Variants in CSMD1 observed in about 807,000 individuals in gnomAD.
The protein encoded by CSMD1 is CUB and Sushi multiple domains 1.
Under a neutral mutation model 417.5 loss-of-function variants are expected in CSMD1, and 213 were observed. The observed-to-expected ratio is 0.51, with a 90% CI of 0.46 to 0.57. The LOEUF is 0.57. Ranked by LOEUF, CSMD1 falls within the 20% of genes least tolerant of loss-of-function variation. The pLI, the probability that CSMD1 is intolerant of heterozygous loss-of-function variation, is 0.00. For missense variants in CSMD1, 6,923 were observed against 4,529.7 expected (o/e 1.53, Z -15.17); for synonymous variants, 2,862 against 1,736.8 (o/e 1.65, Z -16.11).
chr8:3,163,394 G>C (rs1454064959), intron 37 of CSMD1, among the ~76,000 whole-genome samples: 1 of 151,478 alleles, frequency 6.6e-6, no homozygotes, highest in Non-Finnish European at 1.5e-5. Context: ...GAGGTGAGTA[G>C]GACTTTAGTT....
chr8:4,192,942 G>C (rs1799114894), intron 3 of CSMD1, among the ~76,000 whole-genome samples: 1 of 152,014 alleles, frequency 6.6e-6, no homozygotes, highest in South Asian at 2.1e-4. Context: ...TTCTGTACGT[G>C]GTGCTACCCT....
At chr8:3,565,869 A>G (rs1799683233) in intron 10 of CSMD1, among the ~76,000 whole-genome samples, 1 of 151,956 alleles carries the variant, frequency 6.6e-6, no homozygotes, top group Admixed American at 6.6e-5. Context: ...TTAGGTTCAT[A>G]TCATCTTTCA....
intron 10 of CSMD1, among the ~76,000 whole-genome samples, chr8:3,524,350 G>A (rs534203518): frequency 6.8e-6 from 1 of 147,002 alleles, no homozygotes; most frequent in East Asian, 2.1e-4. Flanking sequence ...TGCACACCCA[G>A]AAAGACAGGC....
At chr8:3,573,041 G>C (rs907443841) in intron 10 of CSMD1, among the ~76,000 whole-genome samples, 3 of 149,462 alleles carry the variant, frequency 2.0e-5, no homozygotes, top group African/African-American at 4.9e-5. Context: ...ACTCTTTTTT[G>C]TTAGACAAAT....
rs535507039 is a variant in CSMD1 at position 3,563,982 on chromosome 8, C to G, written c.1344+10963G>C. Reference sequence around the variant, plus strand: ...TTCTTTTGGGTACATTCTGAGTATACGATCATTAAAGTTCTGTCTTTTTAA... The same window carrying G: ...TTCTTTTGGGTACATTCTGAGTATAGGATCATTAAAGTTCTGTCTTTTTAA... On this transcript the variant is annotated intron_variant, in intron 10 of 69. Transcript: ENST00000635120. Among the ~76,000 whole-genome samples, 280 of 152,192 alleles carry G rather than the reference C, an allele frequency of 1.8e-3. 6 individuals are homozygous for G. The highest frequency in any genetic ancestry group is 5.4e-4 in the Non-Finnish European group (37 of 68,000).
At chr8:3,940,497 CTGTGTGTGTGTGTGTGTGTGTGTG>C (rs34005059) in intron 5 of CSMD1, among the ~76,000 whole-genome samples, 3 of 145,052 alleles carry the variant, frequency 2.1e-5, no homozygotes, top group African/African-American at 5.1e-5. Context: ...ATTATTTCCT[CTGTGTGTGTGTGTGTGTGTGTGTG>C]TGTGTGTGTG....
intron 68 of CSMD1, among the ~76,000 whole-genome samples, chr8:2,948,481 A>T (rs1419975933): frequency 1.3e-5 from 2 of 152,160 alleles, no homozygotes; most frequent in African/African-American, 4.8e-5. Context: ...GTCTATGTAG[A>T]ATAAGCTTTT....
intron 8 of CSMD1, among the ~76,000 whole-genome samples, chr8:3,595,754 G>C (rs574902333): frequency 2.0e-5 from 3 of 152,298 alleles, no homozygotes; most frequent in Non-Finnish European, 4.4e-5. Context: ...ATGTAAACCT[G>C]CCATTTGCTA....
At chr8:4,126,421 C>A (rs1414692176) in intron 3 of CSMD1, among the ~76,000 whole-genome samples, 1 of 152,136 alleles carries the variant, frequency 6.6e-6, no homozygotes, top group Non-Finnish European at 1.5e-5. Flanking sequence ...CAGGACAGCA[C>A]CCTAGCGAAG....
intron 4 of CSMD1, among the ~76,000 whole-genome samples, chr8:4,004,922 T>C (rs1475969738): frequency 6.6e-6 from 1 of 152,154 alleles, no homozygotes; most frequent in Non-Finnish European, 1.5e-5. Context: ...TTTTTTGTAT[T>C]TTTAGTAGAG....
chr8:3,409,848 C>T (rs902572329), intron 12 of CSMD1, among the ~76,000 whole-genome samples: 1 of 152,196 alleles, frequency 6.6e-6, no homozygotes, highest in African/African-American at 2.4e-5. Flanking sequence ...CGTGGCTACA[C>T]AGATACGCTG....
Position 3,284,130 on chromosome 8 carries a change from G to A in CSMD1, c.4153+14C>T, listed in dbSNP as rs1383335004. The A allele has an allele frequency of 6.5e-7, 1 of 1,547,858 alleles. No homozygotes were observed. The highest frequency in any genetic ancestry group is 2.0e-5 in the Admixed American group (1 of 51,096). On this transcript the variant is annotated intron_variant, in intron 26 of 69. Coordinates refer to ENST00000635120, the MANE Select transcript of CSMD1 (RefSeq NM_033225.6). ...TGATATCAAGGTAAAGAAGAAGCAC[G>A]CTGTGCCACCTACTGGAGAACTGGA... is the stretch of plus-strand genomic sequence containing the variant.
At position 4,825,607 on chromosome 8, in the gene CSMD1, AG is replaced by A. The variant is rs1243755873; in HGVS notation, c.85+168724del. Among the ~76,000 whole-genome samples the A allele has an allele frequency of 4.4e-5, 6 of 136,916 alleles. No homozygotes were observed. The East Asian group carries it at 1.2e-3, about 28-fold the overall frequency. The allele number at this position is 136,916 out of a possible 152,430, so 89.8% of individuals were successfully genotyped here. On this transcript the variant is annotated intron_variant, in intron 1 of 69. Coordinates refer to ENST00000635120, the MANE Select transcript of CSMD1 (RefSeq NM_033225.6). ...GGGATCAAAAAGCACAGAAAAGAAAAGAAAAAGAGACATGTGAGACTCCCTC... is the reference window on the plus strand; with the variant it reads ...GGGATCAAAAAGCACAGAAAAGAAAAAAAAAGAGACATGTGAGACTCCCTC...
At chr8:4,536,840 T>G (rs1296122479) in intron 2 of CSMD1, among the ~76,000 whole-genome samples, 1 of 152,210 alleles carries the variant, frequency 6.6e-6, no homozygotes, top group Non-Finnish European at 1.5e-5. Context: ...TCACAAGGGG[T>G]GTCACCTTTT....
At position 4,660,747 on chromosome 8, in the gene CSMD1, T is replaced by C. The variant is rs376983547; in HGVS notation, c.86-23189A>G. On this transcript the variant is annotated intron_variant, in intron 1 of 69. Transcript: ENST00000635120. ...ATATTTGACAAAGGACTAACATCTCTAATCTATAAAGAACTCTCAAAACTC... is the reference window on the plus strand; with the variant it reads ...ATATTTGACAAAGGACTAACATCTCCAATCTATAAAGAACTCTCAAAACTC... Among the ~76,000 whole-genome samples the C allele has an allele frequency of 3.3e-5, 5 of 152,100 alleles. No homozygotes were observed. The East Asian group carries it at 5.8e-4, about 18-fold the overall frequency.
intron 5 of CSMD1, among the ~76,000 whole-genome samples, chr8:3,969,836 A>G (rs1812958327): frequency 6.6e-6 from 1 of 152,212 alleles, no homozygotes; most frequent in Admixed American, 6.5e-5. Context: ...TAAATGAAGT[A>G]TCCATCTATA....
chr8:3,330,860 T>A (rs1806846248), intron 23 of CSMD1, among the ~76,000 whole-genome samples: 1 of 152,242 alleles, frequency 6.6e-6, no homozygotes, highest in Non-Finnish European at 1.5e-5. Flanking sequence ...ATAGCAAAAC[T>A]GTTTTTATTT....
chr8:3,248,569 G>A (rs183819519), intron 26 of CSMD1, among the ~76,000 whole-genome samples: 412 of 117,888 alleles, frequency 3.5e-3, no homozygotes, highest in Middle Eastern at 0.019. Context: ...TCGCTCTGTC[G>A]CCCAGCCTGG....
intron 1 of CSMD1, among the ~76,000 whole-genome samples, chr8:4,965,918 G>C (rs535942512): frequency 6.6e-6 from 1 of 152,122 alleles, no homozygotes; most frequent in Non-Finnish European, 1.5e-5. Flanking sequence ...AGCAGGATGT[G>C]TATGTAATTT....
Sources: gnomAD v4.1 joint callset for allele counts (sites outside exome capture counted in the v4.1 genomes callset) on GRCh38, gnomAD v4.1.1 for gene constraint, MANE v1.5 for transcripts, NCBI Gene and HGNC (gene_info 2026-07-23, HGNC 2026-07-21) for gene names.